SLC16A9: variants seen among roughly 807,000 people sequenced by gnomAD.
SLC16A9 encodes monocarboxylate transporter 9.
Under a neutral mutation model 44.3 loss-of-function variants are expected in SLC16A9, and 26 were observed. The ratio of observed to expected loss-of-function variants is 0.59; its 90% confidence interval spans 0.43 to 0.81. The LOEUF (loss-of-function observed/expected upper bound fraction) is 0.81. Ranked by LOEUF, SLC16A9 falls within the 40% of genes least tolerant of loss-of-function variation. The pLI, the probability that SLC16A9 is intolerant of heterozygous loss-of-function variation, is 0.00. For missense variants in SLC16A9, 559 were observed against 595.8 expected, an observed-to-expected ratio of 0.94 and a Z score of 0.64; for synonymous variants, 230 against 225.1, an observed-to-expected ratio of 1.02 and a Z score of -0.19.
chr10:59,705,320 T>C (rs2132555350), intron 1 of SLC16A9, among the ~76,000 whole-genome samples: 1 of 152,212 alleles, frequency 6.6e-6, no homozygotes, highest in Non-Finnish European at 1.5e-5. Flanking sequence ...TTCTATCTAA[T>C]ATTAACAATA....
chr10:59,664,371 T>G lies in SLC16A9; in HGVS notation c.341-49A>C, dbSNP rs201783869. On this transcript the variant is annotated intron_variant, in intron 3 of 5. Coordinates refer to ENST00000395348, the MANE Select transcript of SLC16A9 (RefSeq NM_194298.3). ...AAATTAAGACGCTGCATTACTTCAA[T>G]GCAAGAGAAAAAAGGAAAAACAAGT... 32 of 1,327,166 alleles carry G rather than the reference T, an allele frequency of 2.4e-5. No homozygotes were observed. In the East Asian group the frequency reaches 7.6e-4, roughly 32 times the overall value. 82.2% of individuals were successfully genotyped at this position (1,327,166 alleles called of 1,614,324 possible). A position where few individuals can be genotyped will look rare whatever the true frequency, so the allele number is the denominator to read the frequency against.
rs71006278 is a variant in SLC16A9 at position 59,662,633 on chromosome 10, CAAA to C, written c.436+1591_436+1593del. ...TAGGCAAAAGAGCAAAACTCCATCT[CAAA>C]AAAAAAAAAAAAAAAAAGAAAAGAA... On this transcript the variant is annotated intron_variant, in intron 4 of 5. Transcript: ENST00000395348. Among the ~76,000 whole-genome samples the C allele has an allele frequency of 3.5e-3, 153 of 43,636 alleles. 1 individual carries two copies. The highest frequency in any genetic ancestry group is 9.0e-3 in the African/African-American group (97 of 10,758). The allele number at this position is 43,636 out of a possible 152,430, so 28.6% of individuals were successfully genotyped here. A position where few individuals can be genotyped will look rare whatever the true frequency, so the allele number is the denominator to read the frequency against.
chr10:59,673,311 T>C (rs1247105089), intron 2 of SLC16A9, among the ~76,000 whole-genome samples: 1 of 152,142 alleles, frequency 6.6e-6, no homozygotes, highest in East Asian at 1.9e-4. Context: ...CCTGACCGTG[T>C]TACTGTGCCC....
Position 59,691,539 on chromosome 10 carries a change from A to G in SLC16A9, c.-36-7212T>C, listed in dbSNP as rs568961290. The stretch of plus-strand genomic sequence containing the variant: ...TGGAGGAGAGAGAAGAGCATGAAAT[A>G]ATATTAACCATAAGAAGATATCACT... On this transcript the variant is annotated intron_variant, in intron 1 of 5. Coordinates refer to ENST00000395348, the MANE Select transcript of SLC16A9 (RefSeq NM_194298.3). Among the ~76,000 whole-genome samples, 6 of 152,342 alleles carry G rather than the reference A, an allele frequency of 3.9e-5. No individual in the cohort carries two copies. In the South Asian group the frequency reaches 1.2e-3, roughly 32 times the overall value.
intron 4 of SLC16A9, among the ~76,000 whole-genome samples, chr10:59,659,423 A>G (rs1373201138): frequency 6.6e-6 from 1 of 152,224 alleles, no homozygotes; most frequent in Admixed American, 6.5e-5. Context: ...GAAGGGCATT[A>G]TATAATGGTA....
At chr10:59,664,113 G>A (rs889869871) in intron 4 of SLC16A9, 114 bp downstream of exon 4, 7 of 431,492 alleles carry the variant, frequency 1.6e-5, no homozygotes, top group Non-Finnish European at 2.4e-5. Flanking sequence ...AAATTATTTT[G>A]CTACCTGATT....
At chr10:59,707,488 G>A (rs1840671035) in intron 1 of SLC16A9, among the ~76,000 whole-genome samples, 1 of 150,176 alleles carries the variant, frequency 6.7e-6, no homozygotes, top group South Asian at 2.1e-4. Flanking sequence ...GGAGCAATAA[G>A]TTTAAGAGAT....
At chr10:59,703,912 C>A (rs142450584) in intron 1 of SLC16A9, among the ~76,000 whole-genome samples, 1 of 152,004 alleles carries the variant, frequency 6.6e-6, no homozygotes, top group East Asian at 1.9e-4. Context: ...TTAGTAGAGA[C>A]GGGGTTTCGC....
chr10:59,703,168 G>T (rs987939979), intron 1 of SLC16A9, among the ~76,000 whole-genome samples: 5 of 152,130 alleles, frequency 3.3e-5, no homozygotes, highest in Non-Finnish European at 7.4e-5. Context: ...TGCCAGGCTG[G>T]GGTGCAGTGG....
intron 1 of SLC16A9, among the ~76,000 whole-genome samples, chr10:59,703,862 G>A (rs1157895459): frequency 6.6e-6 from 1 of 152,016 alleles, no homozygotes. Flanking sequence ...GGGACTACAG[G>A]TGCCCGCCAC....
rs1391443743 is a variant in SLC16A9 at position 59,697,313 on chromosome 10, T to C, written c.-37+12166A>G. Among the ~76,000 whole-genome samples the C allele has an allele frequency of 4.0e-5, 6 of 150,632 alleles. No individual in the cohort carries two copies. The East Asian group carries it at 7.8e-4, about 20-fold the overall frequency. On this transcript the variant is annotated intron_variant, in intron 1 of 5. Transcript: ENST00000395348. ...AAAGGGGGGAAAGGTGGGGAAAAGATTGAGAAATCGGATGGCTGCCGTGTC... is the reference window on the plus strand; with the variant it reads ...AAAGGGGGGAAAGGTGGGGAAAAGACTGAGAAATCGGATGGCTGCCGTGTC...
At chr10:59,660,248 C>A (rs765495982) in intron 4 of SLC16A9, among the ~76,000 whole-genome samples, 2 of 152,040 alleles carry the variant, frequency 1.3e-5, no homozygotes, top group Admixed American at 6.5e-5. Context: ...AATACATAGA[C>A]CGCTAGCCAG....
At chr10:59,658,135 T>C (rs1839389984) in intron 4 of SLC16A9, among the ~76,000 whole-genome samples, 1 of 152,234 alleles carries the variant, frequency 6.6e-6, no homozygotes, top group South Asian at 2.1e-4. Flanking sequence ...GTATTGATTC[T>C]AGATCTTCAG....
chr10:59,703,322 GA>G (rs1369649979), intron 1 of SLC16A9, among the ~76,000 whole-genome samples: 1 of 152,204 alleles, frequency 6.6e-6, no homozygotes, highest in Non-Finnish European at 1.5e-5. Context: ...GTCTCACTAT[GA>G]TACCCAAGCT....
At chr10:59,669,556 G>A (rs1294491586) in intron 3 of SLC16A9, among the ~76,000 whole-genome samples, 1 of 152,148 alleles carries the variant, frequency 6.6e-6, no homozygotes, top group Non-Finnish European at 1.5e-5. Flanking sequence ...ATAAACAGAG[G>A]CCAGGTACAG....
At chr10:59,655,730 A>G (rs1465132096) in intron 4 of SLC16A9, among the ~76,000 whole-genome samples, 1 of 152,172 alleles carries the variant, frequency 6.6e-6, no homozygotes, top group East Asian at 1.9e-4. Flanking sequence ...GAGCATTTTT[A>G]AATGTAAATG....
At chr10:59,692,499 T>A (rs2132516529) in intron 1 of SLC16A9, among the ~76,000 whole-genome samples, 1 of 152,334 alleles carries the variant, frequency 6.6e-6, no homozygotes, top group African/African-American at 2.4e-5. Flanking sequence ...CACAACTCTA[T>A]GAACATGCTA....
chr10:59,673,662 A>G (rs1448339872), intron 2 of SLC16A9, among the ~76,000 whole-genome samples: 1 of 152,236 alleles, frequency 6.6e-6, no homozygotes, highest in Non-Finnish European at 1.5e-5. Flanking sequence ...CAGAATGGCT[A>G]AAGACAGACA....
chr10:59,685,888 AT>A (rs1840120433), intron 1 of SLC16A9, among the ~76,000 whole-genome samples: 1 of 152,074 alleles, frequency 6.6e-6, no homozygotes, highest in African/African-American at 2.4e-5. Context: ...TGTCTCCAGG[AT>A]TTTGAATGTG....
Sources: allele counts gnomAD v4.1 joint callset (sites outside exome capture counted in the v4.1 genomes callset), GRCh38; gene constraint gnomAD v4.1.1; transcripts MANE v1.5; gene names NCBI Gene and HGNC (gene_info 2026-07-23, HGNC 2026-07-21).